The following GUCY1A2 variants were observed in gnomAD, a reference collection of about 807,000 sequenced individuals.
The protein encoded by GUCY1A2 is guanylate cyclase soluble subunit alpha-2.
In GUCY1A2, 27 loss-of-function variants were observed where a neutral mutation model predicts 63.5. The observed-to-expected ratio is 0.43, with a 90% CI of 0.31 to 0.59. The LOEUF (loss-of-function observed/expected upper bound fraction) is 0.59. Ranked by LOEUF, GUCY1A2 falls within the 20% of genes least tolerant of loss-of-function variation. The pLI is 0.11. For missense variants in GUCY1A2, 768 were observed against 913.3 expected (o/e 0.84, Z 2.05); for synonymous variants, 364 against 343.5 (o/e 1.06, Z -0.66).
chr11:106,899,204 T>G (rs1045708410), intron 4 of GUCY1A2, among the ~76,000 whole-genome samples: 2 of 151,984 alleles, frequency 1.3e-5, no homozygotes, highest in Admixed American at 6.6e-5. Flanking sequence ...GAAATAACAT[T>G]AGGAAACAAC....
At position 106,739,809 on chromosome 11, in the gene GUCY1A2, T is replaced by G. The variant is rs141526120; in HGVS notation, c.1837-31143A>C. On this transcript the variant is annotated intron_variant, in intron 6 of 7. Transcript: ENST00000526355. ...TCCCAATTCTCAGGAGACATACTATTGGGAAGTGTTACTCTTGTGTTTCCC... is the reference window on the plus strand; with the variant it reads ...TCCCAATTCTCAGGAGACATACTATGGGGAAGTGTTACTCTTGTGTTTCCC... Among the ~76,000 whole-genome samples the G allele has an allele frequency of 5.2e-3, 797 of 152,264 alleles. 6 individuals carry two copies. Among genetic ancestry groups the G allele is most frequent in the African/African-American group, 0.018 (766 of 41,564 alleles).
intron 6 of GUCY1A2, among the ~76,000 whole-genome samples, chr11:106,731,253 A>T (rs1258073226): frequency 1.3e-5 from 2 of 152,072 alleles, no homozygotes; most frequent in Non-Finnish European, 2.9e-5. Flanking sequence ...CTTTAATGTG[A>T]TTCATCACCT....
At chr11:106,785,538 C>G (rs947772322) in intron 5 of GUCY1A2, among the ~76,000 whole-genome samples, 3 of 151,712 alleles carry the variant, frequency 2.0e-5, no homozygotes, top group Admixed American at 2.0e-4. Context: ...ATTTACTTAA[C>G]TTTATATCCC....
At chr11:106,870,111 G>T (rs1231774099) in intron 4 of GUCY1A2, among the ~76,000 whole-genome samples, 1 of 131,212 alleles carries the variant, frequency 7.6e-6, no homozygotes, top group Admixed American at 7.8e-5. Context: ...CTTGTGAGGG[G>T]GGGGGAGGGG....
At chr11:106,821,320 C>A (rs1858900519) in intron 4 of GUCY1A2, among the ~76,000 whole-genome samples, 1 of 152,126 alleles carries the variant, frequency 6.6e-6, no homozygotes, top group South Asian at 2.1e-4. Context: ...GTCTTTAATA[C>A]CTTACACAAA....
chr11:107,000,670 A>C (rs1261259852), intron 1 of GUCY1A2, among the ~76,000 whole-genome samples: 1 of 152,178 alleles, frequency 6.6e-6, no homozygotes, highest in African/African-American at 2.4e-5. Context: ...CATAGATATA[A>C]ATAGATAAAT....
At chr11:106,789,363 G>A (rs1312250568) in intron 5 of GUCY1A2, among the ~76,000 whole-genome samples, 3 of 152,232 alleles carry the variant, frequency 2.0e-5, no homozygotes, top group Non-Finnish European at 4.4e-5. Flanking sequence ...TTTGTTAAAT[G>A]TACCTGACAG....
chr11:106,702,105 C>A (rs1253382768), intron 7 of GUCY1A2, among the ~76,000 whole-genome samples: 1 of 152,014 alleles, frequency 6.6e-6, no homozygotes, highest in Non-Finnish European at 1.5e-5. Context: ...TTCAGTTTTT[C>A]TCATCTGAAA....
chr11:106,825,083 A>C (rs1231171533), intron 4 of GUCY1A2: 1 of 626,936 alleles, frequency 1.6e-6, no homozygotes, highest in East Asian at 3.0e-5. Flanking sequence ...CTATATTTTC[A>C]GAGCTTATCT....
intron 4 of GUCY1A2, among the ~76,000 whole-genome samples, chr11:106,854,312 G>A (rs536053682): frequency 2.6e-5 from 4 of 152,306 alleles, no homozygotes; most frequent in African/African-American, 9.6e-5. Context: ...TAGGATCTTG[G>A]ATGGAATGCC....
intron 4 of GUCY1A2, among the ~76,000 whole-genome samples, chr11:106,854,621 G>A (rs1053168619): frequency 2.6e-5 from 4 of 152,166 alleles, no homozygotes; most frequent in African/African-American, 7.2e-5. Flanking sequence ...CAACAGTGGC[G>A]ATCAGGGCAG....
chr11:106,727,820 C>T (rs575733907), intron 6 of GUCY1A2, among the ~76,000 whole-genome samples: 8 of 152,300 alleles, frequency 5.3e-5, no homozygotes, highest in African/African-American at 1.7e-4. Flanking sequence ...TTTTCCTCCT[C>T]TTACCTGGCC....
chr11:106,940,138 C>T lies in GUCY1A2; in HGVS notation c.528G>A (p.Glu176=). Residue 176 remains glutamate, a synonymous_variant, in exon 4 of 8, where the codon GAG becomes GAA. Coordinates refer to ENST00000526355, the MANE Select transcript of GUCY1A2 (RefSeq NM_000855.3). ...FEEIQKRFGE[E]FFNICFHENE... is the part of the protein sequence containing the mutation. ...TCTCATGAAAGCATATATTAAAGAACTCTTCACCAAATCTTTTTTGAATTT... is the reference window on the plus strand; with the variant it reads ...TCTCATGAAAGCATATATTAAAGAATTCTTCACCAAATCTTTTTTGAATTT... The T allele has an allele frequency of 3.1e-6, 5 of 1,603,724 alleles. No individual in the cohort carries two copies. The highest frequency in any genetic ancestry group is 4.3e-6 in the Non-Finnish European group (5 of 1,174,220).
At chr11:106,898,463 G>A (rs1336939591) in intron 4 of GUCY1A2, among the ~76,000 whole-genome samples, 1 of 152,142 alleles carries the variant, frequency 6.6e-6, no homozygotes. Flanking sequence ...TTCTATAGGT[G>A]AGTAAATACA....
At chr11:106,789,334 T>C (rs1213957089) in intron 5 of GUCY1A2, among the ~76,000 whole-genome samples, 1 of 152,216 alleles carries the variant, frequency 6.6e-6, no homozygotes, top group Non-Finnish European at 1.5e-5. Flanking sequence ...TGCTTGAGGT[T>C]TTTAATTATT....
chr11:106,757,917 G>A (rs770482699), intron 6 of GUCY1A2, among the ~76,000 whole-genome samples: 2 of 152,204 alleles, frequency 1.3e-5, no homozygotes, highest in Non-Finnish European at 2.9e-5. Context: ...GAGCTGTCAG[G>A]CAGGGATGTT....
rs192151886 is a variant in GUCY1A2, at chr11:106,869,460, C to T, written c.1207-58982G>A. On this transcript the variant is annotated intron_variant, in intron 4 of 7. Coordinates refer to ENST00000526355, the MANE Select transcript of GUCY1A2 (RefSeq NM_000855.3). ...ACAAGGGGCAAAGGATATGAACAGA[C>T]GCTTCTCAAAAGAAGACATTTATGC... Among the ~76,000 whole-genome samples, 88 of 152,254 alleles carry T rather than the reference C, an allele frequency of 5.8e-4. 2 individuals are homozygous for T. The South Asian group carries it at 6.6e-3, about 11-fold the overall frequency.
intron 4 of GUCY1A2, among the ~76,000 whole-genome samples, chr11:106,896,023 T>A (rs555176225): frequency 0.013 from 1,884 of 145,068 alleles, 24 homozygotes; most frequent in South Asian, 0.044. Context: ...AAAAAAAAAA[T>A]ATATATATAT....
intron 5 of GUCY1A2, among the ~76,000 whole-genome samples, chr11:106,792,047 CTT>C (rs1864671809): frequency 6.6e-6 from 1 of 152,146 alleles, no homozygotes; most frequent in Non-Finnish European, 1.5e-5. Context: ...ATGCAAAATT[CTT>C]CAACAAAATA....
Sources: gnomAD v4.1 joint callset for allele counts (sites outside exome capture counted in the v4.1 genomes callset) on GRCh38, gnomAD v4.1.1 for gene constraint, MANE v1.5 for transcripts, NCBI Gene and HGNC (gene_info 2026-07-23, HGNC 2026-07-21) for gene names.